Variants in ADAM12 observed in about 807,000 individuals in gnomAD.
The protein encoded by ADAM12 is disintegrin and metalloproteinase domain-containing protein 12.
A neutral mutation model predicts 106.4 loss-of-function variants in ADAM12; 70 were observed. The observed-to-expected ratio is 0.66, with a 90% confidence interval of 0.54 to 0.80. The LOEUF is 0.80. Ranked by LOEUF, ADAM12 falls within the 30% of genes least tolerant of loss-of-function variation. The pLI, the probability that ADAM12 is intolerant of heterozygous loss-of-function variation, is 0.00. For missense variants in ADAM12, 1,010 were observed against 1,171.9 expected (o/e 0.86, Z 2.02); for synonymous variants, 420 against 433.5 (o/e 0.97, Z 0.39).
At chr10:126,156,748 G>A (rs565082680) in intron 3 of ADAM12, among the ~76,000 whole-genome samples, 4 of 152,332 alleles carry the variant, frequency 2.6e-5, no homozygotes, top group African/African-American at 9.6e-5. Flanking sequence ...TAACGATGGA[G>A]CAGGAGTCGG....
chr10:126,325,890 T>C (rs1294858310), intron 2 of ADAM12, among the ~76,000 whole-genome samples: 1 of 147,426 alleles, frequency 6.8e-6, no homozygotes, highest in African/African-American at 2.4e-5. Flanking sequence ...AGGGAGGGAA[T>C]GCAGATAAGT....
At chr10:126,020,819 C>T (rs1352570745) in intron 21 of ADAM12, among the ~76,000 whole-genome samples, 4 of 151,716 alleles carry the variant, frequency 2.6e-5, no homozygotes, top group South Asian at 2.1e-4. Flanking sequence ...GGTGAAACTC[C>T]GTCTCTACTA....
intron 3 of ADAM12, among the ~76,000 whole-genome samples, chr10:126,220,330 T>G (rs11244891): frequency 0.012 from 1,864 of 152,286 alleles, 53 homozygotes; most frequent in African/African-American, 0.043. Flanking sequence ...GTCCTGTGTA[T>G]AGCTGGGAAA....
chr10:126,046,068 C>T lies in ADAM12; in HGVS notation c.1982G>A (p.Cys661Tyr). ...CAGCCTACTCACCCCTCTGCCGTGG[C>T]ACTGCATTGCACACTCGTGAACCCC... is the stretch of plus-strand genomic sequence containing the variant. ...VFGVHECAMQCHGRGVCNNRK... is the reference protein window; with the variant it reads ...VFGVHECAMQYHGRGVCNNRK... Residue 661 changes from cysteine to tyrosine, a missense_variant, in exon 17 of 23, where the codon TGC (cysteine) becomes TAC (tyrosine). By Grantham distance (194) the Cys-to-Tyr change is radical (BLOSUM62 -2). This residue lies in a region of ADAM12 where 615 missense variants were observed against 708.5 expected (regional missense o/e 0.87). Coordinates refer to ENST00000448723, the MANE Select transcript of ADAM12 (RefSeq NM_001288973.2). 1 of 1,614,166 alleles carries T rather than the reference C, an allele frequency of 6.2e-7. No homozygotes were observed. Among genetic ancestry groups the T allele is most frequent in the Non-Finnish European group, 8.5e-7 (1 of 1,180,002 alleles).
chr10:126,087,627 T>G (rs926944210), intron 11 of ADAM12, among the ~76,000 whole-genome samples: 2 of 152,190 alleles, frequency 1.3e-5, no homozygotes, highest in African/African-American at 4.8e-5. Context: ...TCCCTTCAAT[T>G]CCATCTTGGT....
chr10:126,090,406 C>T (rs1293569358), intron 11 of ADAM12, among the ~76,000 whole-genome samples: 1 of 151,494 alleles, frequency 6.6e-6, no homozygotes, highest in Non-Finnish European at 1.5e-5. Context: ...TACTATTACG[C>T]TAAATATTCT....
chr10:126,049,026 A>G lies in ADAM12; in HGVS notation c.1917+227T>C, dbSNP rs1295541641. Among the ~76,000 whole-genome samples, 1 of 152,216 alleles carries G rather than the reference A, an allele frequency of 6.6e-6. No individual in the cohort carries two copies. Among genetic ancestry groups the G allele is most frequent in the Non-Finnish European group, 1.5e-5 (1 of 68,030 alleles). On this transcript the variant is annotated intron_variant, in intron 16 of 22. Transcript: ENST00000448723. The surrounding 1 kb of genome is among the most constrained non-coding windows in gnomAD (Gnocchi z 4.4). ...TCCTCATGCCACCTGGAGTGTAGAA[A>G]TGACTTATTAACACTCAAGGCCTAA...
At chr10:126,078,814 G>A (rs61863659) in intron 11 of ADAM12, among the ~76,000 whole-genome samples, 45,775 of 151,496 alleles carry the variant, frequency 0.3, 7,083 homozygotes, top group South Asian at 0.42. Context: ...GGGGATGGCA[G>A]TACTAGATTT....
chr10:126,119,250 G>T (rs1956042477), intron 5 of ADAM12, among the ~76,000 whole-genome samples: 2 of 152,108 alleles, frequency 1.3e-5, no homozygotes. Flanking sequence ...GAAGCTCTGG[G>T]TTTGAGTTCC....
At chr10:126,221,765 C>T (rs1020551852) in intron 3 of ADAM12, among the ~76,000 whole-genome samples, 2 of 152,188 alleles carry the variant, frequency 1.3e-5, no homozygotes, top group African/African-American at 2.4e-5. Context: ...CTCCTTCTCC[C>T]AGGAGATTAG....
chr10:126,195,740 C>G (rs1011262781), intron 3 of ADAM12, among the ~76,000 whole-genome samples: 10 of 152,112 alleles, frequency 6.6e-5, no homozygotes, highest in African/African-American at 2.4e-4. Context: ...ATGTATCAAT[C>G]TTAAATATTG....
At chr10:126,121,113 A>ATATATAT (rs1956087226) in intron 5 of ADAM12, among the ~76,000 whole-genome samples, 3 of 84,472 alleles carry the variant, frequency 3.6e-5, no homozygotes, top group African/African-American at 5.3e-5. Flanking sequence ...TATATATAGT[A>ATATATAT]TATATATAGT....
intron 11 of ADAM12, among the ~76,000 whole-genome samples, chr10:126,081,493 AC>A (rs1375031315): frequency 6.6e-6 from 1 of 152,182 alleles, no homozygotes; most frequent in African/African-American, 2.4e-5. Context: ...TCTGCTTCCC[AC>A]TGGTTTCTTT....
Position 126,233,069 on chromosome 10 carries a change from C to T in ADAM12, c.260+45846G>A, listed in dbSNP as rs144961015. On this transcript the variant is annotated intron_variant, in intron 3 of 22. Coordinates refer to ENST00000448723, the MANE Select transcript of ADAM12 (RefSeq NM_001288973.2). Reference sequence around the variant, plus strand: ...CCCCTACCACAGTCAATTCAAGGGGCCTGGGGCTGGGCTTTGGGGACAGAT... The same window carrying T: ...CCCCTACCACAGTCAATTCAAGGGGTCTGGGGCTGGGCTTTGGGGACAGAT... Among the ~76,000 whole-genome samples the T allele has an allele frequency of 4.6e-3, 697 of 152,196 alleles. 9 individuals carry two copies. The highest frequency in any genetic ancestry group is 0.016 in the African/African-American group (672 of 41,520).
At chr10:126,244,278 A>AAGCAGG (rs1958586744) in intron 3 of ADAM12, among the ~76,000 whole-genome samples, 1 of 152,186 alleles carries the variant, frequency 6.6e-6, no homozygotes, top group African/African-American at 2.4e-5. Context: ...AGATCAGACA[A>AAGCAGG]TCGGGGAAAA....
chr10:126,042,464 C>T (rs1954200843), intron 18 of ADAM12, among the ~76,000 whole-genome samples: 1 of 152,172 alleles, frequency 6.6e-6, no homozygotes, highest in African/African-American at 2.4e-5. Flanking sequence ...CCCTGAGCCT[C>T]AGGTCCTAGG....
At chr10:126,271,257 G>A (rs1323089507) in intron 3 of ADAM12, among the ~76,000 whole-genome samples, 6 of 152,148 alleles carry the variant, frequency 3.9e-5, no homozygotes, top group Admixed American at 3.9e-4. Context: ...TGGCATCTCA[G>A]GTAAGAATTG....
intron 11 of ADAM12, among the ~76,000 whole-genome samples, chr10:126,082,970 C>T (rs1955258405): frequency 6.6e-6 from 1 of 152,234 alleles, no homozygotes; most frequent in South Asian, 2.1e-4. Context: ...AACTTTCAAT[C>T]ACCACACACA....
At chr10:126,256,817 A>G (rs1383423979) in intron 3 of ADAM12, among the ~76,000 whole-genome samples, 1 of 152,212 alleles carries the variant, frequency 6.6e-6, no homozygotes, top group Non-Finnish European at 1.5e-5. Context: ...AATCTCTTTT[A>G]TATTAACACC....
Sources: allele counts gnomAD v4.1 joint callset (sites outside exome capture counted in the v4.1 genomes callset), GRCh38; gene constraint gnomAD v4.1.1; regional missense constraint gnomAD v4.1.1; non-coding constraint Gnocchi (gnomAD v3.1); transcripts MANE v1.5; gene names NCBI Gene and HGNC (gene_info 2026-07-23, HGNC 2026-07-21).